FBXL7: variants seen among roughly 807,000 people sequenced by gnomAD.
The protein encoded by FBXL7 is F-box/LRR-repeat protein 7.
FBXL7 carries 12 observed loss-of-function variants against 38.3 expected under a neutral mutation model. That is an observed-to-expected ratio of 0.31 (90% CI 0.20 to 0.51). The LOEUF (loss-of-function observed/expected upper bound fraction) is 0.51, where lower values mean the gene tolerates loss of function less well. Among genes scored for constraint, FBXL7 ranks in the 20% least tolerant of loss-of-function variants. FBXL7 has a pLI of 0.98. For missense variants in FBXL7, 567 were observed against 676.4 expected, an observed-to-expected ratio of 0.84 and a Z score of 1.79; for synonymous variants, 297 against 300.9, an observed-to-expected ratio of 0.99 and a Z score of 0.13.
chr5:15,620,230 CTTTTTT>C (rs796293132), intron 2 of FBXL7, among the ~76,000 whole-genome samples: 5 of 134,142 alleles, frequency 3.7e-5, no homozygotes, highest in African/African-American at 1.4e-4. Flanking sequence ...TTCTTTTTTT[CTTTTTT>C]TTTTTTTTTT....
intron 1 of FBXL7, among the ~76,000 whole-genome samples, chr5:15,592,575 A>G (rs954194573): frequency 3.3e-5 from 5 of 152,296 alleles, no homozygotes; most frequent in African/African-American, 1.2e-4. Flanking sequence ...TCCATTTTAA[A>G]TGTGAGTACT....
intron 2 of FBXL7, among the ~76,000 whole-genome samples, chr5:15,776,536 A>G (rs948900176): frequency 1.3e-5 from 2 of 152,124 alleles, no homozygotes; most frequent in African/African-American, 4.8e-5. Flanking sequence ...GCAAGTTTAT[A>G]TCTGAACAAA....
At chr5:15,847,724 C>T (rs1738953912) in intron 2 of FBXL7, among the ~76,000 whole-genome samples, 1 of 152,064 alleles carries the variant, frequency 6.6e-6, no homozygotes, top group Non-Finnish European at 1.5e-5. Context: ...GAGGACCTGA[C>T]CTAATCAGGT....
chr5:15,719,388 A>G (rs1744134256), intron 2 of FBXL7, among the ~76,000 whole-genome samples: 1 of 123,008 alleles, frequency 8.1e-6, no homozygotes, highest in Non-Finnish European at 1.9e-5. Context: ...TATCATGCTA[A>G]GTGACCTATT....
chr5:15,531,204 G>A (rs10041362), intron 1 of FBXL7, among the ~76,000 whole-genome samples: 13,109 of 152,120 alleles, frequency 0.086, 1,704 homozygotes, highest in African/African-American at 0.28. Context: ...ATAGCATAGT[G>A]TACTATACTA....
intron 2 of FBXL7, among the ~76,000 whole-genome samples, chr5:15,643,551 G>A (rs1369831207): frequency 6.6e-6 from 1 of 152,156 alleles, no homozygotes; most frequent in Non-Finnish European, 1.5e-5. Context: ...GGCCAGGGTT[G>A]GAAATGTGGG....
chr5:15,799,468 T>A (rs1441454258), intron 2 of FBXL7, among the ~76,000 whole-genome samples: 1 of 150,560 alleles, frequency 6.6e-6, no homozygotes, highest in African/African-American at 2.4e-5. Flanking sequence ...TTCAAGTGAT[T>A]CTCCCTACCT....
At chr5:15,792,700 G>A (rs568461762) in intron 2 of FBXL7, among the ~76,000 whole-genome samples, 5 of 152,226 alleles carry the variant, frequency 3.3e-5, no homozygotes, top group African/African-American at 1.2e-4. Context: ...ATGCTCTACA[G>A]CACCACCTCC....
At chr5:15,791,878 C>T (rs992666949) in intron 2 of FBXL7, among the ~76,000 whole-genome samples, 5 of 152,300 alleles carry the variant, frequency 3.3e-5, no homozygotes, top group Middle Eastern at 3.4e-3. Context: ...CCTTAGAGAT[C>T]TGGCTGCTGG....
intron 2 of FBXL7, among the ~76,000 whole-genome samples, chr5:15,897,749 C>G (rs762063093): frequency 1.3e-5 from 2 of 152,140 alleles, no homozygotes; most frequent in Non-Finnish European, 2.9e-5. Flanking sequence ...GAAGCCCCAG[C>G]CAGGCCTGCC....
At chr5:15,844,888 A>C (rs374083007) in intron 2 of FBXL7, among the ~76,000 whole-genome samples, 2 of 152,316 alleles carry the variant, frequency 1.3e-5, no homozygotes, top group East Asian at 3.9e-4. Flanking sequence ...CTAAAAACAG[A>C]CTTCAGAAAT....
chr5:15,759,836 C>A lies in FBXL7; in HGVS notation c.127+143764C>A, dbSNP rs114565049. 3.6e-3 allele frequency among the ~76,000 whole-genome samples: 545 copies of A among 152,272 alleles called. 4 individuals are homozygous for A. The highest frequency in any genetic ancestry group is 0.013 in the African/African-American group (524 of 41,558). ...ATTCCATTGCATGCTGGTGTCTGGT[C>A]ATAGGATCTGAATGTCTAGTTAGAA... On this transcript the variant is annotated intron_variant, in intron 2 of 3. Transcript: ENST00000504595.
In FBXL7 at chr5:15,887,180, G is replaced by A. The variant is rs934556851; in HGVS notation, c.128-40710G>A. Among the ~76,000 whole-genome samples, 15 of 152,166 alleles carry A rather than the reference G, an allele frequency of 9.9e-5. No individual in the cohort carries two copies. In the South Asian group the frequency reaches 1.0e-3, roughly 11 times the overall value. On this transcript the variant is annotated intron_variant, in intron 2 of 3. Coordinates refer to ENST00000504595, the MANE Select transcript of FBXL7 (RefSeq NM_012304.5). The stretch of plus-strand genomic sequence containing the variant: ...TTTGTCCAATTTAAGGACTGGACTT[G>A]ACAAGACCACCAATTGTTCTGTTGT...
At chr5:15,574,155 G>A (rs1738882503) in intron 1 of FBXL7, among the ~76,000 whole-genome samples, 1 of 152,112 alleles carries the variant, frequency 6.6e-6, no homozygotes, top group Admixed American at 6.5e-5. Flanking sequence ...TGCAAAATCT[G>A]TAATAATATA....
chr5:15,545,988 C>G (rs1000314900), intron 1 of FBXL7, among the ~76,000 whole-genome samples: 4 of 152,130 alleles, frequency 2.6e-5, no homozygotes, highest in Admixed American at 1.3e-4. Context: ...GTAATACACA[C>G]ACTGGATTTT....
chr5:15,685,787 A>G (rs1314094471), intron 2 of FBXL7, among the ~76,000 whole-genome samples: 2 of 152,214 alleles, frequency 1.3e-5, no homozygotes, highest in African/African-American at 4.8e-5. Context: ...GTGAAAGAAT[A>G]GATGTATAGA....
At chr5:15,558,025 C>T (rs376902696) in intron 1 of FBXL7, among the ~76,000 whole-genome samples, 9 of 152,202 alleles carry the variant, frequency 5.9e-5, no homozygotes, top group East Asian at 3.9e-4. Flanking sequence ...TATTGGTTTA[C>T]GGATATAGAG....
intron 2 of FBXL7, among the ~76,000 whole-genome samples, chr5:15,680,636 G>A (rs74655962): frequency 0.089 from 13,596 of 152,180 alleles, 740 homozygotes; most frequent in South Asian, 0.15. Flanking sequence ...GATAATTGGT[G>A]TTCCATAAAT....
At chr5:15,555,964 A>G (rs544805448) in intron 1 of FBXL7, among the ~76,000 whole-genome samples, 4 of 147,276 alleles carry the variant, frequency 2.7e-5, no homozygotes, top group African/African-American at 7.5e-5. Context: ...TCTATCTGTC[A>G]TCTGTCTATC....
Sources: allele counts gnomAD v4.1 joint callset (sites outside exome capture counted in the v4.1 genomes callset), GRCh38; gene constraint gnomAD v4.1.1; transcripts MANE v1.5; gene names NCBI Gene and HGNC (gene_info 2026-07-23, HGNC 2026-07-21).